The following FUT8 variants were observed in gnomAD, a reference collection of about 807,000 sequenced individuals.
FUT8 encodes the protein fucosyltransferase 8.
In FUT8, 29 loss-of-function variants were observed where a neutral mutation model predicts 71.3. The observed-to-expected ratio is 0.41, with a 90% CI of 0.30 to 0.55. The LOEUF is 0.55. Ranked by LOEUF, FUT8 falls within the 20% of genes least tolerant of loss-of-function variation. The pLI is 0.34. For missense variants in FUT8, 544 were observed against 702.1 expected (o/e 0.77, Z 2.55); for synonymous variants, 254 against 239.3 (o/e 1.06, Z -0.57).
At chr14:65,741,152 G>A (rs1307842371) in intron 10 of FUT8, among the ~76,000 whole-genome samples, 2 of 151,770 alleles carry the variant, frequency 1.3e-5, no homozygotes, top group East Asian at 3.9e-4. Flanking sequence ...TAACCTCAAG[G>A]ATTGAAGCTC....
chr14:65,430,990 A>AT (rs5809273), intron 1 of FUT8, among the ~76,000 whole-genome samples: 2,970 of 126,992 alleles, frequency 0.023, 111 homozygotes, highest in African/African-American at 0.064. Flanking sequence ...TTTTCTACTA[A>AT]TTTTTTTTTT....
intron 3 of FUT8, among the ~76,000 whole-genome samples, chr14:65,610,982 A>G (rs1346742493): frequency 1.3e-5 from 2 of 151,556 alleles, no homozygotes; most frequent in East Asian, 1.9e-4. Flanking sequence ...TTTTCTTACT[A>G]TATCTTTCTC....
chr14:65,724,388 T>G lies in FUT8; in HGVS notation c.1259+65T>G, dbSNP rs1895576579. Reference sequence around the variant, plus strand: ...TCTTTCAGTTTAAAAGAATTCTTACTTCCCATGACTTGTGATTTTTGTATA... The same window carrying G: ...TCTTTCAGTTTAAAAGAATTCTTACGTCCCATGACTTGTGATTTTTGTATA... On this transcript the variant is annotated intron_variant, in intron 9 of 10. Coordinates refer to ENST00000673929, the MANE Select transcript of FUT8 (RefSeq NM_001371533.1). The G allele has an allele frequency of 4.2e-6, 4 of 955,012 alleles. No homozygotes were observed. In the South Asian group the frequency reaches 7.2e-5, roughly 17 times the overall value. 59.2% of individuals were successfully genotyped at this position (955,012 alleles called of 1,614,324 possible). A position where few individuals can be genotyped will look rare whatever the true frequency, so the allele number is the denominator to read the frequency against.
chr14:65,489,682 C>CT lies in FUT8; in HGVS notation c.-228+33971dup, dbSNP rs35500934. On this transcript the variant is annotated intron_variant, in intron 2 of 10. Transcript: ENST00000673929. The surrounding 1 kb of genome is among the most constrained non-coding windows in gnomAD (Gnocchi z 4.0). ...TCATTTGTGTTGATTGATGTTGTAACTTTTTTTGAGTAAAATGCATCATTA... is the reference window on the plus strand; with the variant it reads ...TCATTTGTGTTGATTGATGTTGTAACTTTTTTTTGAGTAAAATGCATCATTA... 2.0e-5 allele frequency among the ~76,000 whole-genome samples: 3 copies of CT among 151,952 alleles called. No homozygotes were observed. The highest frequency in any genetic ancestry group is 4.4e-5 in the Non-Finnish European group (3 of 67,938).
intron 6 of FUT8, among the ~76,000 whole-genome samples, chr14:65,651,938 CAGA>C (rs1372725723): frequency 1.3e-5 from 2 of 151,938 alleles, no homozygotes; most frequent in African/African-American, 4.8e-5. Flanking sequence ...ATTGAAATCC[CAGA>C]AGAAGAAAAG....
At chr14:65,719,243 T>A (rs1895280835) in intron 7 of FUT8, among the ~76,000 whole-genome samples, 1 of 152,134 alleles carries the variant, frequency 6.6e-6, no homozygotes, top group South Asian at 2.1e-4. Context: ...TGACTTCTAT[T>A]AAGAGACTCA....
intron 3 of FUT8, among the ~76,000 whole-genome samples, chr14:65,575,772 C>A (rs1448781414): frequency 6.6e-6 from 1 of 152,060 alleles, no homozygotes; most frequent in Non-Finnish European, 1.5e-5. Flanking sequence ...GTGCGCGTTG[C>A]TGTGGCCTGG....
intron 3 of FUT8, among the ~76,000 whole-genome samples, chr14:65,571,854 G>A (rs1886494934): frequency 1.3e-5 from 2 of 152,072 alleles, no homozygotes; most frequent in African/African-American, 2.4e-5. Context: ...CTGTGTTATA[G>A]CATTGTTACC....
chr14:65,412,032 C>T (rs918090839), upstream of FUT8: 1 of 456,738 alleles, frequency 2.2e-6, no homozygotes, highest in Admixed American at 2.3e-5. Context: ...CCCCTCTCCC[C>T]GTGCTGTTCT....
At chr14:65,411,904 C>A (rs569537470), upstream of FUT8, 64 of 381,162 alleles carry the variant, frequency 1.7e-4, no homozygotes, top group East Asian at 4.0e-3. Context: ...CCGGTCCTCC[C>A]GCTCAGCTGG....
intron 3 of FUT8, among the ~76,000 whole-genome samples, chr14:65,597,768 T>A (rs1003739388): frequency 2.0e-5 from 3 of 152,172 alleles, no homozygotes; most frequent in African/African-American, 7.2e-5. Context: ...TTGAGGACAG[T>A]AGCTCTAGTA....
At chr14:65,598,041 C>T (rs776688803) in intron 3 of FUT8, among the ~76,000 whole-genome samples, 8 of 151,972 alleles carry the variant, frequency 5.3e-5, no homozygotes, top group South Asian at 4.2e-4. Context: ...GGCATGGTGG[C>T]GTACACATGT....
chr14:65,642,602 C>CAAA (rs71126774), intron 6 of FUT8, among the ~76,000 whole-genome samples: 23 of 95,604 alleles, frequency 2.4e-4, no homozygotes, highest in East Asian at 6.5e-4. Context: ...GACTCCGTCT[C>CAAA]AAAAAAAAAA....
chr14:65,465,837 T>C (rs2066035612), intron 2 of FUT8, among the ~76,000 whole-genome samples: 1 of 152,224 alleles, frequency 6.6e-6, no homozygotes, highest in Admixed American at 6.5e-5. Context: ...GATTTTCTGC[T>C]TCTGTCAATT....
In FUT8 at chr14:65,743,137, A is replaced by G. The variant is rs1263774517; in HGVS notation, c.*727A>G. On this transcript the variant is annotated 3_prime_UTR_variant, in exon 11 of 11. Transcript: ENST00000673929. ...TTGATAACAAAAAATAAATTTTAAAAAGGAATTTTGTAAAGTTTCTAGAAT... is the reference window on the plus strand; with the variant it reads ...TTGATAACAAAAAATAAATTTTAAAGAGGAATTTTGTAAAGTTTCTAGAAT... 2.6e-5 allele frequency: 4 copies of G among 152,334 alleles called. No homozygotes were observed. Among genetic ancestry groups the G allele is most frequent in the African/African-American group, 9.7e-5 (4 of 41,398 alleles). The allele number at this position is 152,334 out of a possible 1,614,324, so 9.4% of individuals were successfully genotyped here. A position where few individuals can be genotyped will look rare whatever the true frequency, so the allele number is the denominator to read the frequency against.
At chr14:65,525,200 T>C (rs574811705) in intron 2 of FUT8, among the ~76,000 whole-genome samples, 32 of 151,056 alleles carry the variant, frequency 2.1e-4, no homozygotes, top group Admixed American at 1.3e-3. Flanking sequence ...TCCTGGACTT[T>C]TTTTGGTTGG....
chr14:65,673,552 A>G (rs1892572838), intron 7 of FUT8, among the ~76,000 whole-genome samples: 1 of 152,222 alleles, frequency 6.6e-6, no homozygotes, highest in African/African-American at 2.4e-5. Context: ...GTAGGAGTCA[A>G]CCAGGTAGGG....
intron 3 of FUT8, among the ~76,000 whole-genome samples, chr14:65,564,279 C>T (rs950754662): frequency 2.0e-5 from 3 of 151,904 alleles, no homozygotes; most frequent in Admixed American, 6.6e-5. Context: ...ATAACTAGGT[C>T]GTTTCTTTGA....
chr14:65,437,112 A>G (rs1271531503), intron 1 of FUT8, among the ~76,000 whole-genome samples: 1 of 152,230 alleles, frequency 6.6e-6, no homozygotes. Flanking sequence ...TCTCCTTTTT[A>G]TAGATGTGAC....
Sources: gnomAD v4.1 joint callset for allele counts (sites outside exome capture counted in the v4.1 genomes callset) on GRCh38, gnomAD v4.1.1 for gene constraint, Gnocchi (gnomAD v3.1) non-coding constraint, MANE v1.5 for transcripts, NCBI Gene and HGNC (gene_info 2026-07-23, HGNC 2026-07-21) for gene names.